STK39: variants seen among roughly 807,000 people sequenced by gnomAD.
STK39 encodes STE20/SPS1-related proline-alanine-rich protein kinase.
A neutral mutation model predicts 77.8 loss-of-function variants in STK39; 20 were observed. The ratio of observed to expected loss-of-function variants is 0.26; its 90% CI spans 0.18 to 0.37. The LOEUF (loss-of-function observed/expected upper bound fraction) is 0.37, where lower values mean the gene tolerates loss of function less well. Ranked by LOEUF, STK39 falls within the 10% of genes least tolerant of loss-of-function variation. The pLI, the probability that STK39 is intolerant of heterozygous loss-of-function variation, is 1.00. For missense variants in STK39, 479 were observed against 656.5 expected (o/e 0.73, Z 2.95); for synonymous variants, 246 against 234.1 (o/e 1.05, Z -0.47).
chr2:168,005,973 C>T (rs1684123071), intron 16 of STK39, among the ~76,000 whole-genome samples: 1 of 152,184 alleles, frequency 6.6e-6, no homozygotes, highest in African/African-American at 2.4e-5. Context: ...GACAACTAGT[C>T]AGTGAGGCTC....
chr2:168,208,122 G>GA (rs1001612297), intron 1 of STK39, among the ~76,000 whole-genome samples: 1 of 152,076 alleles, frequency 6.6e-6, no homozygotes, highest in Non-Finnish European at 1.5e-5. Flanking sequence ...ACACTCCTGA[G>GA]AAAAAACGTA....
At chr2:168,201,309 G>GC (rs1689606055) in intron 1 of STK39, among the ~76,000 whole-genome samples, 1 of 152,220 alleles carries the variant, frequency 6.6e-6, no homozygotes, top group Non-Finnish European at 1.5e-5. Context: ...ACTGTGTCTG[G>GC]CAGAAAGGTG....
intron 1 of STK39, among the ~76,000 whole-genome samples, chr2:168,227,809 C>A (rs11694572): frequency 0.38 from 57,733 of 151,736 alleles, 11,893 homozygotes; most frequent in Non-Finnish European, 0.48. Context: ...AGGCACCCAC[C>A]ACCACTCTCG....
chr2:168,155,654 T>C (rs1688408438), intron 5 of STK39, among the ~76,000 whole-genome samples: 1 of 152,202 alleles, frequency 6.6e-6, no homozygotes, highest in Non-Finnish European at 1.5e-5. Context: ...TGCTTCACTC[T>C]TCCTTAACTT....
chr2:168,158,919 G>T (rs144681915), intron 5 of STK39, among the ~76,000 whole-genome samples: 1 of 152,204 alleles, frequency 6.6e-6, no homozygotes, highest in Non-Finnish European at 1.5e-5. Context: ...ACAGAACCAG[G>T]CTCATTATCC....
intron 1 of STK39, among the ~76,000 whole-genome samples, chr2:168,233,181 T>C (rs1304989062): frequency 6.6e-6 from 1 of 152,182 alleles, no homozygotes; most frequent in Non-Finnish European, 1.5e-5. Flanking sequence ...TTTTCCCTAG[T>C]CCTATTTCAG....
chr2:168,039,382 G>A (rs1685043789), intron 14 of STK39, among the ~76,000 whole-genome samples: 1 of 20,268 alleles, frequency 4.9e-5, no homozygotes, highest in Non-Finnish European at 1.8e-4. Context: ...CATGAGGTCA[G>A]GAGATCGAGA....
At chr2:168,150,987 T>C (rs1688265176) in intron 5 of STK39, among the ~76,000 whole-genome samples, 3 of 152,086 alleles carry the variant, frequency 2.0e-5, no homozygotes. Flanking sequence ...TTATTCCTTC[T>C]TGAAAGCAAA....
chr2:168,126,684 G>A (rs1200834896), intron 10 of STK39, among the ~76,000 whole-genome samples: 2 of 152,194 alleles, frequency 1.3e-5, no homozygotes, highest in Non-Finnish European at 2.9e-5. Context: ...CATTTGGTCA[G>A]TAAACATTTG....
At position 167,954,429 on chromosome 2, in the gene STK39, T is replaced by C. The variant is rs544999108; in HGVS notation, c.*1067A>G. 1 of 152,732 alleles carries C rather than the reference T, an allele frequency of 6.5e-6. No homozygotes were observed. The highest frequency in any genetic ancestry group is 2.1e-4 in the South Asian group (1 of 4,828). 9.5% of individuals were successfully genotyped at this position (152,732 alleles called of 1,614,324 possible). On this transcript the variant is annotated 3_prime_UTR_variant, in exon 18 of 18. Coordinates refer to ENST00000355999, the MANE Select transcript of STK39 (RefSeq NM_013233.3). ...TAGTCATTGCACAAAACCCTTCCAATTTTCACTCCACCTGGGTATTCTGCA... is the reference window on the plus strand; with the variant it reads ...TAGTCATTGCACAAAACCCTTCCAACTTTCACTCCACCTGGGTATTCTGCA...
At chr2:167,956,728 T>TCCCCCCCCCCCCCCCC (rs1235889078) in intron 17 of STK39, among the ~76,000 whole-genome samples, 1 of 53,570 alleles carries the variant, frequency 1.9e-5, no homozygotes, top group Admixed American at 2.0e-4. Flanking sequence ...TCTCTCTCTC[T>TCCCCCCCCCCCCCCCC]CCCCCCCCGC....
At chr2:167,999,645 G>A (rs1387508046) in intron 16 of STK39, among the ~76,000 whole-genome samples, 1 of 151,860 alleles carries the variant, frequency 6.6e-6, no homozygotes, top group African/African-American at 2.4e-5. Flanking sequence ...TGTATTTTTA[G>A]CAGAGATGGG....
intron 1 of STK39, among the ~76,000 whole-genome samples, chr2:168,202,189 T>C (rs1467007610): frequency 6.6e-6 from 1 of 152,190 alleles, no homozygotes; most frequent in East Asian, 1.9e-4. Context: ...CTAAACAGAA[T>C]GTCTAGGGAT....
intron 8 of STK39, 42 bp downstream of exon 8, chr2:168,138,046 G>A: frequency 6.3e-7 from 1 of 1,595,438 alleles, no homozygotes; most frequent in Non-Finnish European, 8.6e-7. Flanking sequence ...CTTTGTCATG[G>A]CTCAAACCAG....
chr2:168,051,992 CTT>C (rs765347150), intron 14 of STK39, among the ~76,000 whole-genome samples: 22 of 140,888 alleles, frequency 1.6e-4, no homozygotes, highest in East Asian at 2.0e-4. Flanking sequence ...ATGAGGAAGA[CTT>C]TTTTTTTTTT....
chr2:168,081,474 T>C (rs1407881763), intron 10 of STK39, among the ~76,000 whole-genome samples: 1 of 152,210 alleles, frequency 6.6e-6, no homozygotes, highest in African/African-American at 2.4e-5. Flanking sequence ...GTACCCCCAC[T>C]GTATCTAGGA....
intron 17 of STK39, among the ~76,000 whole-genome samples, chr2:167,959,141 G>A (rs1367908980): frequency 1.3e-5 from 2 of 151,448 alleles, no homozygotes; most frequent in Non-Finnish European, 2.9e-5. Flanking sequence ...TATTTTTTGA[G>A]ACAGTCTCAC....
At chr2:167,988,308 C>T (rs551362814) in intron 16 of STK39, among the ~76,000 whole-genome samples, 54 of 152,184 alleles carry the variant, frequency 3.5e-4, no homozygotes, top group Admixed American at 1.0e-3. Flanking sequence ...GCAAAGAAGT[C>T]GCAGGCATAT....
At chr2:168,022,682 A>AAAATATAACTTCTGC (rs1226032103) in intron 14 of STK39, among the ~76,000 whole-genome samples, 1 of 152,254 alleles carries the variant, frequency 6.6e-6, no homozygotes, top group Non-Finnish European at 1.5e-5. Flanking sequence ...GGGCAAATAT[A>AAAATATAACTTCTGC]AAATATAACT....
Sources: gnomAD v4.1 joint callset for allele counts (sites outside exome capture counted in the v4.1 genomes callset) on GRCh38, gnomAD v4.1.1 for gene constraint, MANE v1.5 for transcripts, NCBI Gene and HGNC (gene_info 2026-07-23, HGNC 2026-07-21) for gene names.